Variants in IFI16 observed in about 807,000 individuals in gnomAD.
The protein encoded by IFI16 is gamma-interferon-inducible protein 16.
IFI16 carries 49 observed loss-of-function variants against 68.4 expected under a neutral mutation model. That is an observed-to-expected ratio of 0.72 (90% CI 0.57 to 0.91). IFI16 has a LOEUF of 0.91. Ranked by LOEUF, IFI16 falls within the 40% of genes least tolerant of loss-of-function variation. IFI16 has a pLI of 0.00. For missense variants in IFI16, 878 were observed against 942.9 expected (o/e 0.93, Z 0.90); for synonymous variants, 307 against 315.0 (o/e 0.97, Z 0.27).
chr1:159,022,030 C>G (rs1653361411), intron 6 of IFI16, among the ~76,000 whole-genome samples: 1 of 143,802 alleles, frequency 7.0e-6, no homozygotes, highest in African/African-American at 2.6e-5. Context: ...GTGGCGCTAT[C>G]TCGGCTTACT....
At chr1:159,047,210 C>T (rs968529525) in intron 8 of IFI16, among the ~76,000 whole-genome samples, 37 of 151,332 alleles carry the variant, frequency 2.4e-4, no homozygotes, top group African/African-American at 9.0e-4. Context: ...CGAGCACCAT[C>T]CACACACGTC....
In IFI16 at chr1:159,048,286, A is replaced by G. The variant is rs183766505; in HGVS notation, c.1498-1146A>G. On this transcript the variant is annotated intron_variant, in intron 8 of 11. Transcript: ENST00000295809. ...ACTCTAAAACCCATTCTTTGTGCAC[A>G]TTACCTAATTTATTCTTTATAACAC... 1.8e-3 allele frequency among the ~76,000 whole-genome samples: 269 copies of G among 151,544 alleles called. 4 individuals carry two copies. The highest frequency in any genetic ancestry group is 5.9e-3 in the African/African-American group (246 of 41,448).
intron 7 of IFI16, among the ~76,000 whole-genome samples, chr1:159,040,036 C>A (rs1393861743): frequency 1.3e-5 from 2 of 152,158 alleles, no homozygotes; most frequent in African/African-American, 4.8e-5. Context: ...TGCTGCAAAT[C>A]CAACTGGGCA....
chr1:159,029,622 G>T (rs1653877845), intron 6 of IFI16, among the ~76,000 whole-genome samples: 1 of 150,668 alleles, frequency 6.6e-6, no homozygotes, highest in South Asian at 2.1e-4. Flanking sequence ...GGGAACACCA[G>T]TTATTCTTAG....
In IFI16 at chr1:159,010,493, G is replaced by A. The variant is rs1652481061; in HGVS notation, c.-21+332G>A. Among the ~76,000 whole-genome samples the A allele has an allele frequency of 6.6e-5, 10 of 152,238 alleles. No individual in the cohort carries two copies. In the South Asian group the frequency reaches 1.9e-3, roughly 28 times the overall value. Reference sequence around the variant, plus strand: ...TGTTATTTTGGCTGGAAGAAGTGTTGGAAACTCGGTAGCTGTGGTGGGTTC... The same window carrying A: ...TGTTATTTTGGCTGGAAGAAGTGTTAGAAACTCGGTAGCTGTGGTGGGTTC... On this transcript the variant is annotated intron_variant, in intron 1 of 11. Coordinates refer to ENST00000295809, the MANE Select transcript of IFI16 (RefSeq NM_001376587.1).
intron 2 of IFI16, among the ~76,000 whole-genome samples, chr1:159,015,241 A>C (rs1197576016): frequency 2.0e-5 from 3 of 152,226 alleles, no homozygotes; most frequent in Non-Finnish European, 4.4e-5. Context: ...ATAATAATAA[A>C]ATCATAAAAA....
intron 7 of IFI16, among the ~76,000 whole-genome samples, chr1:159,039,129 G>A (rs1654479234): frequency 6.6e-6 from 1 of 152,120 alleles, no homozygotes; most frequent in South Asian, 2.1e-4. Flanking sequence ...TGGATTTTCA[G>A]CAGAAATAGA....
At chr1:159,007,582 A>G (rs1353788474), upstream of IFI16, among the ~76,000 whole-genome samples, 1 of 152,188 alleles carries the variant, frequency 6.6e-6, no homozygotes, top group Non-Finnish European at 1.5e-5. Context: ...ATCTAAATTC[A>G]TATGATGAAG....
At chr1:159,005,084 C>A (rs1216261813), upstream of IFI16, among the ~76,000 whole-genome samples, 1 of 152,130 alleles carries the variant, frequency 6.6e-6, no homozygotes, top group Non-Finnish European at 1.5e-5. Flanking sequence ...CTGATTAATG[C>A]CACTCTAACG....
intron 6 of IFI16, among the ~76,000 whole-genome samples, chr1:159,030,352 T>G (rs1653927025): frequency 6.6e-6 from 1 of 152,188 alleles, no homozygotes; most frequent in African/African-American, 2.4e-5. Context: ...TGTGATCTTT[T>G]GGGGCTGTTA....
At chr1:159,039,383 AC>A (rs1276601593) in intron 7 of IFI16, among the ~76,000 whole-genome samples, 1 of 152,188 alleles carries the variant, frequency 6.6e-6, no homozygotes, top group Admixed American at 6.5e-5. Context: ...TCTCGCTGTC[AC>A]CCAGGATGGA....
chr1:159,025,718 T>G (rs1252259039), intron 6 of IFI16, among the ~76,000 whole-genome samples: 1 of 152,236 alleles, frequency 6.6e-6, no homozygotes, highest in Admixed American at 6.5e-5. Context: ...GCATTTGCTT[T>G]TGGGTTCTTA....
chr1:159,041,984 C>T (rs1427223689), intron 7 of IFI16, among the ~76,000 whole-genome samples: 1 of 152,188 alleles, frequency 6.6e-6, no homozygotes, highest in Non-Finnish European at 1.5e-5. Flanking sequence ...TTAGCTCCAA[C>T]CCTTCTAAAT....
At chr1:159,034,239 G>A (rs1374209537) in intron 7 of IFI16, among the ~76,000 whole-genome samples, 3 of 152,138 alleles carry the variant, frequency 2.0e-5, no homozygotes, top group Non-Finnish European at 4.4e-5. Context: ...AGAGCTGCAG[G>A]AAAGAGAAAG....
At chr1:159,004,996 T>C (rs1457731215), upstream of IFI16, among the ~76,000 whole-genome samples, 1 of 152,218 alleles carries the variant, frequency 6.6e-6, no homozygotes, top group Non-Finnish European at 1.5e-5. Context: ...TGAAACTTAG[T>C]ACCCAATGCA....
At chr1:159,016,198 A>T (rs553957855) in intron 3 of IFI16, among the ~76,000 whole-genome samples, 12 of 152,340 alleles carry the variant, frequency 7.9e-5, no homozygotes, top group African/African-American at 2.9e-4. Flanking sequence ...ATATAACATA[A>T]ATGTGATACC....
At chr1:159,037,833 T>A (rs940523648) in intron 7 of IFI16, among the ~76,000 whole-genome samples, 5 of 152,116 alleles carry the variant, frequency 3.3e-5, no homozygotes, top group African/African-American at 9.7e-5. Context: ...ACATAAAGCA[T>A]TAAATATCTT....
chr1:159,018,111 C>G (rs1653052209), intron 4 of IFI16, 118 bp from the exon 5 acceptor site: 1 of 769,858 alleles, frequency 1.3e-6, no homozygotes, highest in African/African-American at 1.8e-5. Context: ...TATCCTGACT[C>G]CAGCTCTAAA....
intron 2 of IFI16, 106 bp from the exon 3 acceptor site, chr1:159,015,766 C>T (rs1371037104): frequency 2.5e-6 from 2 of 792,476 alleles, no homozygotes; most frequent in Non-Finnish European, 4.2e-6. Context: ...AACCCTCAAG[C>T]AGGAACTGAG....
Sources: allele counts gnomAD v4.1 joint callset (sites outside exome capture counted in the v4.1 genomes callset), GRCh38; gene constraint gnomAD v4.1.1; transcripts MANE v1.5; gene names NCBI Gene and HGNC (gene_info 2026-07-23, HGNC 2026-07-21).